The following NAALADL2 variants were observed in gnomAD, a reference collection of about 807,000 sequenced individuals.
NAALADL2 encodes the protein N-acetylated alpha-linked acidic dipeptidase like 2.
Under a neutral mutation model 87.2 loss-of-function variants are expected in NAALADL2, and 76 were observed. The ratio of observed to expected loss-of-function variants is 0.87; its 90% CI spans 0.72 to 1.05. The LOEUF is 1.05. NAALADL2 is among the 50% of genes least tolerant of loss of function. The pLI is 0.00. For synonymous variants in NAALADL2, 354 were observed against 331.0 expected, an observed-to-expected ratio of 1.07 and a Z score of -0.75; for missense variants, 1,089 against 945.8, an observed-to-expected ratio of 1.15 and a Z score of -1.99.
At chr3:175,206,264 T>TATATATATATATA (rs750185480) in intron 2 of NAALADL2, among the ~76,000 whole-genome samples, 1,306 of 69,222 alleles carry the variant, frequency 0.019, 57 homozygotes, top group Admixed American at 0.06. Flanking sequence ...ATATATATAT[T>TATATATATATATA]TTTTTTTTTC....
chr3:175,386,298 A>G (rs1209352955), intron 5 of NAALADL2, among the ~76,000 whole-genome samples: 1 of 150,840 alleles, frequency 6.6e-6, no homozygotes, highest in African/African-American at 2.4e-5. Flanking sequence ...GAAGCTGTTC[A>G]TTTGTTTTGT....
intron 5 of NAALADL2, among the ~76,000 whole-genome samples, chr3:175,431,775 A>G (rs578094426): frequency 6.6e-6 from 1 of 152,188 alleles, no homozygotes; most frequent in Admixed American, 6.6e-5. Flanking sequence ...AAATATAATT[A>G]TTTAAAATAT....
chr3:175,722,360 A>C (rs1475738601), intron 11 of NAALADL2, among the ~76,000 whole-genome samples: 1 of 152,138 alleles, frequency 6.6e-6, no homozygotes, highest in Non-Finnish European at 1.5e-5. Context: ...AGGACAAATA[A>C]AGTTATTCCA....
chr3:174,779,441 G>T (rs1715653850), intron 3 of NAALADL2, among the ~76,000 whole-genome samples: 1 of 152,160 alleles, frequency 6.6e-6, no homozygotes, highest in South Asian at 2.1e-4. Context: ...TCACTCTGAT[G>T]ATAGTTTCTT....
At chr3:175,273,521 C>T (rs1455149959) in intron 4 of NAALADL2, among the ~76,000 whole-genome samples, 3 of 151,986 alleles carry the variant, frequency 2.0e-5, no homozygotes, top group Non-Finnish European at 2.9e-5. Flanking sequence ...AGATTACCAA[C>T]AGAGTTTATG....
At chr3:175,735,652 A>G (rs573627536) in intron 11 of NAALADL2, among the ~76,000 whole-genome samples, 6 of 152,218 alleles carry the variant, frequency 3.9e-5, no homozygotes, top group Admixed American at 3.9e-4. Context: ...ACACCATCAG[A>G]TCTTGTGAGA....
chr3:175,682,180 AAAT>A (rs1183084944), intron 11 of NAALADL2, among the ~76,000 whole-genome samples: 2 of 152,066 alleles, frequency 1.3e-5, no homozygotes, highest in Non-Finnish European at 2.9e-5. Context: ...CTGCAAACCC[AAAT>A]TCCAAATAAG....
intron 1 of NAALADL2, among the ~76,000 whole-genome samples, chr3:175,067,462 T>G (rs1714738548): frequency 6.6e-6 from 1 of 152,058 alleles, no homozygotes; most frequent in African/African-American, 2.4e-5. Flanking sequence ...AAACAAGACA[T>G]ATCAGCGGCC....
At chr3:175,525,283 A>G (rs1270153151) in intron 9 of NAALADL2, among the ~76,000 whole-genome samples, 2 of 152,154 alleles carry the variant, frequency 1.3e-5, no homozygotes, top group Non-Finnish European at 2.9e-5. Flanking sequence ...GATCATTTTA[A>G]TAAAGGTAAG....
intron 1 of NAALADL2, among the ~76,000 whole-genome samples, chr3:174,887,876 G>T (rs901379397): frequency 4.0e-5 from 6 of 148,774 alleles, no homozygotes; most frequent in Non-Finnish European, 7.4e-5. Flanking sequence ...TAATATTTCT[G>T]TTGTCATGGA....
At chr3:175,483,663 C>T (rs1427142924) in intron 9 of NAALADL2, among the ~76,000 whole-genome samples, 1 of 151,860 alleles carries the variant, frequency 6.6e-6, no homozygotes, top group African/African-American at 2.4e-5. Context: ...ACAGATGTCC[C>T]ATGTTAAAAG....
intron 2 of NAALADL2, among the ~76,000 whole-genome samples, chr3:174,561,288 C>T (rs1031665340): frequency 7.3e-5 from 11 of 150,814 alleles, no homozygotes; most frequent in African/African-American, 1.2e-4. Flanking sequence ...CAACCTCTGA[C>T]GCCCTGGTTC....
At chr3:174,902,731 C>T (rs1732463736) in intron 1 of NAALADL2, among the ~76,000 whole-genome samples, 1 of 151,948 alleles carries the variant, frequency 6.6e-6, no homozygotes, top group Non-Finnish European at 1.5e-5. Flanking sequence ...TGGTCAACTC[C>T]AAGGTTATTA....
At chr3:175,266,446 A>G (rs775312715) in intron 4 of NAALADL2, among the ~76,000 whole-genome samples, 2 of 151,650 alleles carry the variant, frequency 1.3e-5, no homozygotes, top group African/African-American at 4.8e-5. Context: ...ATAATTAAGG[A>G]AGAACCACCA....
At chr3:175,056,918 G>A (rs556751559) in intron 1 of NAALADL2, among the ~76,000 whole-genome samples, 3 of 152,296 alleles carry the variant, frequency 2.0e-5, no homozygotes, top group African/African-American at 7.2e-5. Flanking sequence ...TCCAATGTGG[G>A]CATCATGGCC....
chr3:174,759,825 C>G (rs556035109), intron 3 of NAALADL2, among the ~76,000 whole-genome samples: 2 of 151,946 alleles, frequency 1.3e-5, no homozygotes, highest in African/African-American at 2.4e-5. Flanking sequence ...CTCAGCCTCC[C>G]GAGTAGCTGG....
At chr3:175,602,345 G>A (rs970951396) in intron 10 of NAALADL2, among the ~76,000 whole-genome samples, 8 of 152,012 alleles carry the variant, frequency 5.3e-5, no homozygotes, top group Non-Finnish European at 4.4e-5. Flanking sequence ...AATGCATAAT[G>A]TAGGTATTTT....
chr3:175,475,637 C>T (rs1290573609), intron 9 of NAALADL2, among the ~76,000 whole-genome samples: 1 of 152,146 alleles, frequency 6.6e-6, no homozygotes. Context: ...GCAGCACCTG[C>T]CAGAAACTGG....
At chr3:175,600,764 C>G (rs892449186) in intron 10 of NAALADL2, among the ~76,000 whole-genome samples, 9 of 151,842 alleles carry the variant, frequency 5.9e-5, no homozygotes, top group Non-Finnish European at 1.0e-4. Context: ...GTCTCGATCT[C>G]CTGACCTCGT....
Sources: gnomAD v4.1 joint callset for allele counts (sites outside exome capture counted in the v4.1 genomes callset) on GRCh38, gnomAD v4.1.1 for gene constraint, MANE v1.5 for transcripts, NCBI Gene and HGNC (gene_info 2026-07-23, HGNC 2026-07-21) for gene names.